Variants in TRERF1 observed in about 807,000 individuals in gnomAD.
TRERF1 encodes the protein transcriptional regulating factor 1.
In TRERF1, 27 loss-of-function variants were observed where a neutral mutation model predicts 122.9. The observed-to-expected ratio is 0.22, with a 90% CI of 0.16 to 0.30. The LOEUF (loss-of-function observed/expected upper bound fraction) is 0.30. Ranked by LOEUF, TRERF1 falls within the 10% of genes least tolerant of loss-of-function variation. The pLI is 1.00. For missense variants in TRERF1, 1,248 were observed against 1,560.3 expected (o/e 0.80, Z 3.37); for synonymous variants, 636 against 641.7 (o/e 0.99, Z 0.13).
Position 42,268,020 on chromosome 6 carries a change from T to C in TRERF1, c.1437+134A>G, listed in dbSNP as rs1483452972. 3 of 1,070,662 alleles carry C rather than the reference T, an allele frequency of 2.8e-6. No individual in the cohort carries two copies. Among genetic ancestry groups the C allele is most frequent in the East Asian group, 2.8e-5 (1 of 35,516 alleles). The allele number at this position is 1,070,662 out of a possible 1,614,324, so 66.3% of individuals were successfully genotyped here. A position where few individuals can be genotyped will look rare whatever the true frequency, so the allele number is the denominator to read the frequency against. On this transcript the variant is annotated intron_variant, in intron 5 of 17. Coordinates refer to ENST00000372922, the Ensembl canonical transcript of TRERF1. This position sits in a 1 kb window ranked among gnomAD's most constrained non-coding sequence, Gnocchi z 4.4. Reference sequence around the variant, plus strand: ...CTTGGCACAGACAGTGCGTGACACATGTAGGTTAATGTTTGTGGAATTAGT... The same window carrying C: ...CTTGGCACAGACAGTGCGTGACACACGTAGGTTAATGTTTGTGGAATTAGT...
intron 2 of TRERF1, among the ~76,000 whole-genome samples, chr6:42,436,817 ATATATAT>A (rs1562210456): frequency 1.4e-4 from 11 of 75,912 alleles, no homozygotes; most frequent in Non-Finnish European, 2.3e-4. Context: ...AAAAAAAAAT[ATATATAT>A]ATATATATAT....
chr6:42,258,139 C>G (rs1582613703), exon 10 of TRERF1: 4 of 1,614,036 alleles, frequency 2.5e-6, no homozygotes, highest in Non-Finnish European at 3.4e-6. Context: ...CCTTACGGTT[C>G]AACATCTACA....
intron 2 of TRERF1, among the ~76,000 whole-genome samples, chr6:42,438,805 C>T (rs1042122989): frequency 6.6e-6 from 1 of 152,084 alleles, no homozygotes; most frequent in African/African-American, 2.4e-5. Flanking sequence ...AAGGCTGAGA[C>T]CCCAGGCTCT....
chr6:42,290,187 C>T (rs954927067), intron 4 of TRERF1, among the ~76,000 whole-genome samples: 9 of 152,160 alleles, frequency 5.9e-5, no homozygotes, highest in Admixed American at 2.0e-4. Context: ...GTCAGCACAC[C>T]GCTTCAAACT....
intron 3 of TRERF1, among the ~76,000 whole-genome samples, chr6:42,359,543 G>A (rs1397080635): frequency 1.3e-5 from 2 of 152,164 alleles, no homozygotes; most frequent in African/African-American, 4.8e-5. Context: ...GGCCAACATG[G>A]TGAAACCCCA....
intron 2 of TRERF1, among the ~76,000 whole-genome samples, chr6:42,422,504 CAAAAAAAA>C (rs70987594): frequency 3.3e-5 from 4 of 120,694 alleles, no homozygotes; most frequent in Non-Finnish European, 3.3e-5. Flanking sequence ...ACCCTGTCTC[CAAAAAAAA>C]AAAAAAAAAA....
At chr6:42,447,337 C>G (rs1487395623) in intron 2 of TRERF1, among the ~76,000 whole-genome samples, 11 of 152,178 alleles carry the variant, frequency 7.2e-5, no homozygotes, top group Non-Finnish European at 1.5e-4. Context: ...TAAGAGAGCC[C>G]TGGGGTCAAA....
intron 2 of TRERF1, among the ~76,000 whole-genome samples, chr6:42,414,946 A>C (rs1781621116): frequency 6.6e-6 from 1 of 152,200 alleles, no homozygotes; most frequent in African/African-American, 2.4e-5. Context: ...GTTCTAAGAG[A>C]TGGGCATTCA....
At chr6:42,233,320 C>T (rs1445687928) in intron 16 of TRERF1, among the ~76,000 whole-genome samples, 1 of 142,062 alleles carries the variant, frequency 7.0e-6, no homozygotes, top group Non-Finnish European at 1.5e-5. Flanking sequence ...GAGTCTCGCT[C>T]TGTCACCCAG....
chr6:42,345,418 A>G (rs935894519), intron 3 of TRERF1, among the ~76,000 whole-genome samples: 1 of 152,190 alleles, frequency 6.6e-6, no homozygotes, highest in Non-Finnish European at 1.5e-5. Context: ...CCTTCCCAAC[A>G]GCAGGCTGGT....
chr6:42,299,143 T>C (rs1785662291), intron 4 of TRERF1, among the ~76,000 whole-genome samples: 1 of 151,586 alleles, frequency 6.6e-6, no homozygotes, highest in African/African-American at 2.4e-5. Flanking sequence ...TCTACATATA[T>C]ATATATATCT....
At chr6:42,297,464 A>G (rs1785306464) in intron 4 of TRERF1, among the ~76,000 whole-genome samples, 1 of 152,212 alleles carries the variant, frequency 6.6e-6, no homozygotes, top group Non-Finnish European at 1.5e-5. Context: ...GAGCCTAGGG[A>G]GACCCCTCCA....
chr6:42,423,218 C>T (rs756090136), intron 2 of TRERF1, among the ~76,000 whole-genome samples: 17 of 152,162 alleles, frequency 1.1e-4, no homozygotes, highest in African/African-American at 1.7e-4. Flanking sequence ...CCAGCCCATC[C>T]GTAACTCTAC....
intron 13 of TRERF1, 61 bp from the exon 14 acceptor site, chr6:42,246,605 G>A (rs763970470): frequency 9.1e-6 from 11 of 1,214,054 alleles, no homozygotes; most frequent in African/African-American, 1.5e-5. Flanking sequence ...TTAGTTGCTG[G>A]TTCATTTAGT....
intron 2 of TRERF1, among the ~76,000 whole-genome samples, chr6:42,412,852 G>A (rs1274297781): frequency 6.6e-6 from 1 of 152,146 alleles, no homozygotes; most frequent in Non-Finnish European, 1.5e-5. Context: ...AGGCTGAGGT[G>A]GGAGGATCAC....
At chr6:42,409,256 G>A (rs1780753380) in intron 2 of TRERF1, among the ~76,000 whole-genome samples, 1 of 152,094 alleles carries the variant, frequency 6.6e-6, no homozygotes, top group Non-Finnish European at 1.5e-5. Flanking sequence ...TCCAGCCTGG[G>A]TGCAGTGAGA....
intron 3 of TRERF1, among the ~76,000 whole-genome samples, chr6:42,325,105 A>T (rs1407436953): frequency 6.6e-6 from 1 of 152,210 alleles, no homozygotes; most frequent in Non-Finnish European, 1.5e-5. Context: ...CCATGAACAG[A>T]CACTTCTCAA....
At chr6:42,325,287 A>G (rs1398612236) in intron 3 of TRERF1, among the ~76,000 whole-genome samples, 1 of 152,234 alleles carries the variant, frequency 6.6e-6, no homozygotes, top group Admixed American at 6.5e-5. Context: ...GGAAAAGGGA[A>G]TGCTTATATA....
intron 2 of TRERF1, among the ~76,000 whole-genome samples, chr6:42,440,517 A>G (rs1786313863): frequency 6.6e-6 from 1 of 152,206 alleles, no homozygotes; most frequent in South Asian, 2.1e-4. Flanking sequence ...TAAGCTTTCT[A>G]TAAATAGCAG....
Sources: allele counts gnomAD v4.1 joint callset (sites outside exome capture counted in the v4.1 genomes callset), GRCh38; gene constraint gnomAD v4.1.1; non-coding constraint Gnocchi (gnomAD v3.1); transcripts MANE v1.5; gene names NCBI Gene and HGNC (gene_info 2026-07-23, HGNC 2026-07-21).